CCDC28A: variants seen among roughly 807,000 people sequenced by gnomAD.
CCDC28A encodes coiled-coil domain-containing protein 28A.
In CCDC28A, 24 loss-of-function variants were observed where a neutral mutation model predicts 22.1. The ratio of observed to expected loss-of-function variants is 1.09; its 90% CI spans 0.79 to 1.53. The LOEUF is 1.53. Ranked by LOEUF, CCDC28A falls within the 40% of genes most tolerant of loss-of-function variation. The probability of loss-of-function intolerance (pLI) is 0.00; values close to 1 mark genes in which losing one functional copy is unlikely to be tolerated. For synonymous variants in CCDC28A, 83 were observed against 74.7 expected, an observed-to-expected ratio of 1.11 and a Z score of -0.57; for missense variants, 170 against 210.7, an observed-to-expected ratio of 0.81 and a Z score of 1.20.
chr6:138,779,777 T>G, intron 2 of CCDC28A, 45 bp from the exon 3 acceptor site: 1 of 1,453,576 alleles, frequency 6.9e-7, no homozygotes, highest in Non-Finnish European at 9.2e-7. Flanking sequence ...AGCAAAAGCT[T>G]AATCTAGAAT....
chr6:138,789,656 CTT>C (rs1775142022), intron 5 of CCDC28A, among the ~76,000 whole-genome samples: 1 of 152,034 alleles, frequency 6.6e-6, no homozygotes, highest in Non-Finnish European at 1.5e-5. Flanking sequence ...GAACACCTCT[CTT>C]TACTAAAAAT....
intron 3 of CCDC28A, among the ~76,000 whole-genome samples, chr6:138,784,756 C>T (rs1421148019): frequency 2.6e-5 from 4 of 151,392 alleles, no homozygotes; most frequent in African/African-American, 7.3e-5. Context: ...TGCAGTGGCA[C>T]GATCTTGGCT....
chr6:138,782,395 G>A (rs546228609), intron 3 of CCDC28A, among the ~76,000 whole-genome samples: 1 of 152,228 alleles, frequency 6.6e-6, no homozygotes, highest in African/African-American at 2.4e-5. Context: ...CAATCTGCCT[G>A]GGAATCAGTG....
chr6:138,792,813 T>C lies in CCDC28A; in HGVS notation c.*10T>C, dbSNP rs1229623078. On this transcript the variant is annotated 3_prime_UTR_variant, in exon 6 of 6. Coordinates refer to ENST00000617445, the MANE Select transcript of CCDC28A (RefSeq NM_015439.3). ...TACTTCTGCTAGCTAAAATGAAATG[T>C]AGTTTGCTTTCTTGTGATTTGAAGA... 6.3e-7 allele frequency: 1 copy of C among 1,595,662 alleles called. No homozygotes were observed. Among genetic ancestry groups the C allele is most frequent in the South Asian group, 1.1e-5 (1 of 90,340 alleles).
chr6:138,773,799 C>G lies in CCDC28A; in HGVS notation c.-146C>G, dbSNP rs34538642. ...CAAACGGAGCTGCGGAGGAGCGGGT[C>G]CCGGGATGTGACCGGGGCTCTGCTT... On this transcript the variant is annotated 5_prime_UTR_variant, in exon 1 of 6. Coordinates refer to ENST00000617445, the MANE Select transcript of CCDC28A (RefSeq NM_015439.3). The G allele has an allele frequency of 9.9e-6, 16 of 1,613,830 alleles. No individual in the cohort carries two copies. The highest frequency in any genetic ancestry group is 1.4e-5 in the Non-Finnish European group (16 of 1,179,882).
chr6:138,789,842 A>G (rs1031760632), intron 5 of CCDC28A, among the ~76,000 whole-genome samples: 2 of 152,196 alleles, frequency 1.3e-5, no homozygotes, highest in African/African-American at 4.8e-5. Context: ...AATGGCGATT[A>G]ATAGCTAATC....
intron 1 of CCDC28A, 114 bp downstream of exon 1, chr6:138,774,016 A>G (rs1774886347): frequency 7.7e-7 from 1 of 1,300,496 alleles, no homozygotes; most frequent in Non-Finnish European, 1.1e-6. Flanking sequence ...TAGATTGGGG[A>G]AGGGGAATGA....
Position 138,776,214 on chromosome 6 carries a change from A to G in CCDC28A, c.94A>G (p.Ser32Gly). 6.2e-7 allele frequency: 1 copy of G among 1,614,152 alleles called. No individual in the cohort carries two copies. The highest frequency in any genetic ancestry group is 1.1e-5 in the South Asian group (1 of 91,078). Residue 32 changes from serine to glycine, a missense_variant, in exon 2 of 6, where the codon AGT becomes GGT. Ser to Gly is a moderately conservative substitution (Grantham distance 56, BLOSUM62 0). Transcript: ENST00000617445. ...TGCCAAAAAAAATGCCATTCCAGTG[A>G]GTAAAAGCACAGGGTTTTCAAATCC... ...VNAKKNAIPV[S>G]KSTGFSNPAS...
chr6:138,785,356 C>G lies in CCDC28A; in HGVS notation c.452C>G (p.Ser151Cys). The G allele has an allele frequency of 6.2e-7, 1 of 1,613,704 alleles. No homozygotes were observed. Among genetic ancestry groups the G allele is most frequent in the Admixed American group, 1.7e-5 (1 of 60,000 alleles). The change falls in exon 4 of 6, where the codon TCC becomes TGC. Residue 151 changes from serine (S) to cysteine (C), a missense_variant. Physicochemically the swap from Ser to Cys is moderately radical, Grantham distance 112 (BLOSUM62 -1). Transcript: ENST00000617445. Reference sequence around the variant, plus strand: ...GATAAGAGAAAAACAGCCAGTGACTCCAATCTGGATAGGCTTCTGTCAGAT... The same window carrying G: ...GATAAGAGAAAAACAGCCAGTGACTGCAATCTGGATAGGCTTCTGTCAGAT... Reference protein sequence around the residue: ...PEDKRKTASDSNLDRLLSDLE... With the variant: ...PEDKRKTASDCNLDRLLSDLE...
At chr6:138,776,308 T>TA (rs1774934187) in intron 2 of CCDC28A, 30 bp downstream of exon 2, 1 of 1,526,010 alleles carries the variant, frequency 6.6e-7, no homozygotes, top group African/African-American at 1.4e-5. Context: ...ATGTTCACAG[T>TA]AAAATGCCAT....
In CCDC28A at chr6:138,779,867, C is replaced by T. The variant is rs200697331; in HGVS notation, c.204C>T (p.Gly68=). 12 of 1,613,654 alleles carry T rather than the reference C, an allele frequency of 7.4e-6. No homozygotes were observed. Among genetic ancestry groups the T allele is most frequent in the East Asian group, 2.2e-5 (1 of 44,864 alleles). Residue 68 remains glycine (G), a synonymous_variant, in exon 3 of 6, where the codon GGC becomes GGT. Coordinates refer to ENST00000617445, the MANE Select transcript of CCDC28A (RefSeq NM_015439.3). ...AACCTCAGGGTGGAGAGGGCAAAGG[C>T]GCTCAGTCAACTCCGATCCAGCACT... ...KTKPQGGEGK[G]AQSTPIQHSF...
intron 5 of CCDC28A, among the ~76,000 whole-genome samples, chr6:138,792,120 T>C (rs936219965): frequency 3.9e-5 from 6 of 152,220 alleles, no homozygotes; most frequent in Non-Finnish European, 5.9e-5. Context: ...TTAAACAGAA[T>C]TGTTTTCCCA....
intron 2 of CCDC28A, among the ~76,000 whole-genome samples, chr6:138,779,076 C>G (rs1583520756): frequency 6.6e-6 from 1 of 152,120 alleles, no homozygotes; most frequent in East Asian, 1.9e-4. Flanking sequence ...CCTACTGAAG[C>G]ATTTTTAATT....
chr6:138,788,227 C>T (rs984915578), intron 4 of CCDC28A, 139 bp from the exon 5 acceptor site: 9 of 374,440 alleles, frequency 2.4e-5, no homozygotes, highest in African/African-American at 1.7e-4. Flanking sequence ...TCCCAAAGTG[C>T]CAGGATTATA....
chr6:138,785,140 T>C (rs1405973672), intron 3 of CCDC28A, 87 bp from the exon 4 acceptor site: 2 of 745,526 alleles, frequency 2.7e-6, no homozygotes, highest in Non-Finnish European at 4.2e-6. Flanking sequence ...CTGTTTCTTT[T>C]AGAGCACCTA....
intron 4 of CCDC28A, among the ~76,000 whole-genome samples, chr6:138,785,739 T>G (rs975971552): frequency 6.6e-5 from 10 of 152,200 alleles, no homozygotes; most frequent in Admixed American, 1.3e-4. Flanking sequence ...AAGAAATGTA[T>G]TCCAACAAAG....
At chr6:138,777,904 C>T (rs937345361) in intron 2 of CCDC28A, among the ~76,000 whole-genome samples, 1 of 151,936 alleles carries the variant, frequency 6.6e-6, no homozygotes, top group Non-Finnish European at 1.5e-5. Context: ...ATGGATCTCT[C>T]GGGGATTTTT....
At chr6:138,775,009 G>A (rs1354988673) in intron 1 of CCDC28A, among the ~76,000 whole-genome samples, 1 of 152,100 alleles carries the variant, frequency 6.6e-6, no homozygotes, top group Non-Finnish European at 1.5e-5. Context: ...GCACCATCTC[G>A]GCTCAGGGCA....
intron 5 of CCDC28A, 84 bp downstream of exon 5, chr6:138,788,472 T>C: frequency 1.6e-6 from 1 of 641,432 alleles, no homozygotes; most frequent in East Asian, 3.0e-5. Flanking sequence ...TAGAAAGATG[T>C]GTTATTTAGA....
Sources: gnomAD v4.1 joint callset for allele counts (sites outside exome capture counted in the v4.1 genomes callset) on GRCh38, gnomAD v4.1.1 for gene constraint, MANE v1.5 for transcripts, NCBI Gene and HGNC (gene_info 2026-07-23, HGNC 2026-07-21) for gene names.